RBMS3: variants seen among roughly 807,000 people sequenced by gnomAD.
RBMS3 encodes RNA-binding motif, single-stranded-interacting protein 3.
Under a neutral mutation model 66.8 loss-of-function variants are expected in RBMS3, and 27 were observed. The observed-to-expected ratio is 0.40, with a 90% CI of 0.30 to 0.56. The LOEUF (loss-of-function observed/expected upper bound fraction) is 0.56. RBMS3 is among the 20% of genes least tolerant of loss of function. The pLI is 0.40. For synonymous variants in RBMS3, 188 were observed against 183.0 expected (o/e 1.03, Z -0.22); for missense variants, 513 against 549.5 (o/e 0.93, Z 0.66).
intron 4 of RBMS3, among the ~76,000 whole-genome samples, chr3:29,629,663 A>G (rs1049522844): frequency 4.6e-5 from 7 of 152,062 alleles, no homozygotes; most frequent in African/African-American, 1.7e-4. Flanking sequence ...TTCTCCTATC[A>G]AGAATTTGAA....
At chr3:29,434,172 C>T (rs533558893) in intron 1 of RBMS3, among the ~76,000 whole-genome samples, 7 of 152,198 alleles carry the variant, frequency 4.6e-5, no homozygotes, top group South Asian at 4.1e-4. Context: ...TGTAAAGAAA[C>T]GATTTTGGGA....
At chr3:29,991,252 A>G (rs1384971445) in intron 14 of RBMS3, 43 bp downstream of exon 14, 1 of 1,613,150 alleles carries the variant, frequency 6.2e-7, no homozygotes, top group African/African-American at 1.3e-5. Context: ...AAGATCAGCC[A>G]TCTTGACATC....
At chr3:29,452,657 A>G (rs2042053685) in intron 2 of RBMS3, among the ~76,000 whole-genome samples, 1 of 152,216 alleles carries the variant, frequency 6.6e-6, no homozygotes, top group South Asian at 2.1e-4. Flanking sequence ...CACAGGAATC[A>G]GTTATTATTA....
Position 29,360,773 on chromosome 3 carries a change from G to A in RBMS3, c.76-73970G>A, listed in dbSNP as rs1339189875. Among the ~76,000 whole-genome samples, 4 of 152,054 alleles carry A rather than the reference G, an allele frequency of 2.6e-5. 1 individual carries two copies. Among genetic ancestry groups the A allele is most frequent in the African/African-American group, 7.3e-5 (3 of 41,326 alleles). ...ATATTTAGGATAGTTAGCTCTTCTT[G>A]TTGAATTGATCCCTTTACCATTATG... On this transcript the variant is annotated intron_variant, in intron 1 of 14. Transcript: ENST00000383767.
intron 6 of RBMS3, among the ~76,000 whole-genome samples, chr3:29,852,951 C>T (rs1292198011): frequency 6.6e-6 from 1 of 152,140 alleles, no homozygotes; most frequent in African/African-American, 2.4e-5. Context: ...AAATGTGGTA[C>T]AGATACATCA....
At chr3:30,002,406 CACACACAACTATAT>C in intron 14 of RBMS3, among the ~76,000 whole-genome samples, 1 of 151,998 alleles carries the variant, frequency 6.6e-6, no homozygotes, top group East Asian at 1.9e-4. Context: ...CACACACATA[CACACACAACTATAT>C]AACCAAGAAA....
intron 3 of RBMS3, among the ~76,000 whole-genome samples, chr3:29,496,195 C>CAAAAAAA (rs60639896): frequency 7.2e-5 from 8 of 110,454 alleles, no homozygotes; most frequent in African/African-American, 9.4e-5. Flanking sequence ...CCGCCCACAT[C>CAAAAAAA]AAAAAAAAAA....
At chr3:29,669,628 G>T (rs145159609) in intron 4 of RBMS3, among the ~76,000 whole-genome samples, 57 of 151,584 alleles carry the variant, frequency 3.8e-4, no homozygotes, top group African/African-American at 1.4e-3. Flanking sequence ...TGTCATTGAG[G>T]TGTTAGATTA....
At chr3:29,854,378 A>G (rs1257934724) in intron 6 of RBMS3, among the ~76,000 whole-genome samples, 2 of 152,236 alleles carry the variant, frequency 1.3e-5, no homozygotes, top group Non-Finnish European at 2.9e-5. Flanking sequence ...CAAATTTTGA[A>G]AAAGGAAAGG....
intron 14 of RBMS3, among the ~76,000 whole-genome samples, chr3:29,999,494 CA>C (rs1269360037): frequency 6.6e-6 from 1 of 152,140 alleles, no homozygotes; most frequent in Non-Finnish European, 1.5e-5. Context: ...TTCACAATAG[CA>C]AAGACTTGGA....
intron 2 of RBMS3, among the ~76,000 whole-genome samples, chr3:29,453,144 C>T (rs2042068524): frequency 6.6e-6 from 1 of 152,130 alleles, no homozygotes; most frequent in Non-Finnish European, 1.5e-5. Context: ...GCAGCTGCTT[C>T]CAGGATGTGA....
chr3:29,887,778 A>C (rs1577072578), intron 8 of RBMS3, among the ~76,000 whole-genome samples: 1 of 151,804 alleles, frequency 6.6e-6, no homozygotes, highest in African/African-American at 2.4e-5. Flanking sequence ...TGTGGAACTG[A>C]AGTTAGGGAA....
rs1699921697 is a variant in RBMS3, at chr3:30,010,088, GAC to G, written c.*6230_*6231del. 2 of 151,592 alleles carry G rather than the reference GAC, an allele frequency of 1.3e-5. No homozygotes were observed. Among genetic ancestry groups the G allele is most frequent in the African/African-American group, 4.8e-5 (2 of 41,244 alleles). 9.4% of individuals were successfully genotyped at this position (151,592 alleles called of 1,614,324 possible). The stretch of plus-strand genomic sequence containing the variant: ...TTCAGTCTCTATAAAAAAAAAAAGG[GAC>G]ACAGCTTCTTTTAAAACCCTTGTTT... On this transcript the variant is annotated 3_prime_UTR_variant, in exon 15 of 15. Coordinates refer to ENST00000383767, the MANE Select transcript of RBMS3 (RefSeq NM_001003793.3).
chr3:29,740,767 C>T (rs954201779), intron 5 of RBMS3, among the ~76,000 whole-genome samples: 1 of 152,128 alleles, frequency 6.6e-6, no homozygotes, highest in African/African-American at 2.4e-5. Context: ...TAGGGCCAGG[C>T]AGGGTGGCTG....
At chr3:29,773,138 G>T (rs1290611404) in intron 6 of RBMS3, among the ~76,000 whole-genome samples, 2 of 151,854 alleles carry the variant, frequency 1.3e-5, no homozygotes, top group African/African-American at 4.8e-5. Flanking sequence ...GCTCCTCGAG[G>T]TTATAATCAA....
chr3:29,289,367 A>C (rs185921213), intron 1 of RBMS3, among the ~76,000 whole-genome samples: 3 of 152,042 alleles, frequency 2.0e-5, no homozygotes, highest in Admixed American at 2.0e-4. Flanking sequence ...TTTAACACAG[A>C]AAAGAGTTTA....
In RBMS3 at chr3:29,808,212, C is replaced by T. The variant is rs969993478; in HGVS notation, c.637+45223C>T. Among the ~76,000 whole-genome samples the T allele has an allele frequency of 4.6e-5, 7 of 151,924 alleles. No individual in the cohort carries two copies. In the East Asian group the frequency reaches 7.7e-4, roughly 17 times the overall value. On this transcript the variant is annotated intron_variant, in intron 6 of 14. Coordinates refer to ENST00000383767, the MANE Select transcript of RBMS3 (RefSeq NM_001003793.3). ...GTTAGCTATGTCAGCAGATAATATT[C>T]GTATTTCAATACCTCTGTAGCTGAG...
At chr3:29,375,906 C>T (rs2038439361) in intron 1 of RBMS3, among the ~76,000 whole-genome samples, 1 of 152,082 alleles carries the variant, frequency 6.6e-6, no homozygotes, top group South Asian at 2.1e-4. Flanking sequence ...CGTGCGTGCT[C>T]ATTGTAGCAC....
At chr3:29,496,215 A>G (rs1003460161) in intron 3 of RBMS3, among the ~76,000 whole-genome samples, 149 of 148,040 alleles carry the variant, frequency 1.0e-3, no homozygotes, top group African/African-American at 3.5e-3. Flanking sequence ...AAAAAAAAAG[A>G]AAAAAAGAAA....
Sources: allele counts gnomAD v4.1 joint callset (sites outside exome capture counted in the v4.1 genomes callset), GRCh38; gene constraint gnomAD v4.1.1; transcripts MANE v1.5; gene names NCBI Gene and HGNC (gene_info 2026-07-23, HGNC 2026-07-21).